ME3: variants seen among roughly 807,000 people sequenced by gnomAD.
ME3 encodes NADP-dependent malic enzyme, mitochondrial.
In ME3, 48 loss-of-function variants were observed where a neutral mutation model predicts 68.9. The observed-to-expected ratio is 0.70, with a 90% confidence interval of 0.55 to 0.89. The LOEUF (loss-of-function observed/expected upper bound fraction) is 0.89, where lower values mean the gene tolerates loss of function less well. Among genes scored for constraint, ME3 ranks in the 40% least tolerant of loss-of-function variants. The pLI is 0.00. For missense variants in ME3, 675 were observed against 797.4 expected (o/e 0.85, Z 1.85); for synonymous variants, 320 against 318.8 (o/e 1.00, Z -0.04).
In ME3 at chr11:86,593,258, A is replaced by C. The variant is rs557796942; in HGVS notation, c.184-33435T>G. Among the ~76,000 whole-genome samples the C allele has an allele frequency of 1.4e-5, 2 of 147,808 alleles. 1 individual carries two copies. The highest frequency in any genetic ancestry group is 4.7e-4 in the East Asian group (2 of 4,294). On this transcript the variant is annotated intron_variant, in intron 2 of 14. Transcript: ENST00000543262. ...ACATACCAGGCACCGTACAACACGA[A>C]ACTGTAGGCTCCCCCTCCAGGAAGT...
chr11:86,523,451 G>C (rs1402117049), intron 4 of ME3, among the ~76,000 whole-genome samples: 1 of 152,166 alleles, frequency 6.6e-6, no homozygotes, highest in Non-Finnish European at 1.5e-5. Context: ...AAGCCCTATA[G>C]AAGACAGGCT....
At chr11:86,481,535 A>G (rs1331427322) in intron 7 of ME3, among the ~76,000 whole-genome samples, 1 of 152,184 alleles carries the variant, frequency 6.6e-6, no homozygotes, top group African/African-American at 2.4e-5. Context: ...ATAGGTCAGT[A>G]TTAGCATATT....
chr11:86,537,952 C>A (rs1337800717), intron 4 of ME3, among the ~76,000 whole-genome samples: 1 of 152,212 alleles, frequency 6.6e-6, no homozygotes, highest in Non-Finnish European at 1.5e-5. Context: ...GTCTGAAGAA[C>A]CTGCCCAAGG....
intron 8 of ME3, among the ~76,000 whole-genome samples, chr11:86,458,919 C>T (rs1950089580): frequency 6.6e-6 from 1 of 152,208 alleles, no homozygotes; most frequent in Admixed American, 6.5e-5. Flanking sequence ...CTTCCCTCTC[C>T]AACAAGGTCA....
At chr11:86,621,043 A>C (rs1223999512) in intron 2 of ME3, among the ~76,000 whole-genome samples, 1 of 152,224 alleles carries the variant, frequency 6.6e-6, no homozygotes, top group Non-Finnish European at 1.5e-5. Flanking sequence ...TCCAAGGGAC[A>C]AATGATGTCG....
chr11:86,482,488 C>A (rs1341347924), intron 7 of ME3, among the ~76,000 whole-genome samples: 4 of 151,642 alleles, frequency 2.6e-5, no homozygotes, highest in Non-Finnish European at 5.9e-5. Flanking sequence ...TCATCCTACC[C>A]AGGCTAGATA....
chr11:86,471,213 A>G (rs1292101723), intron 7 of ME3, among the ~76,000 whole-genome samples: 2 of 134,484 alleles, frequency 1.5e-5, no homozygotes, highest in Non-Finnish European at 3.1e-5. Flanking sequence ...TGCAGTGGCA[A>G]CCTCCTCCAC....
intron 2 of ME3, among the ~76,000 whole-genome samples, chr11:86,568,108 C>G (rs1957588791): frequency 6.6e-6 from 1 of 152,112 alleles, no homozygotes; most frequent in African/African-American, 2.4e-5. Flanking sequence ...ACAAAACTCT[C>G]AATATAAGAC....
chr11:86,603,354 A>G (rs1961050585), intron 2 of ME3, among the ~76,000 whole-genome samples: 1 of 152,238 alleles, frequency 6.6e-6, no homozygotes, highest in Non-Finnish European at 1.5e-5. Context: ...AAAAATGCTC[A>G]TCATCACTAG....
chr11:86,650,734 T>A (rs1945349751), intron 2 of ME3, among the ~76,000 whole-genome samples: 1 of 152,184 alleles, frequency 6.6e-6, no homozygotes, highest in African/African-American at 2.4e-5. Flanking sequence ...CCAGGGATTG[T>A]CAGACAGTGG....
intron 13 of ME3, among the ~76,000 whole-genome samples, chr11:86,445,603 A>C (rs1390409531): frequency 1.3e-5 from 2 of 152,088 alleles, no homozygotes; most frequent in Non-Finnish European, 2.9e-5. Context: ...TGCTTTTGTC[A>C]GAGTGAGGAT....
chr11:86,584,910 T>G (rs1958643332), intron 2 of ME3, among the ~76,000 whole-genome samples: 1 of 152,170 alleles, frequency 6.6e-6, no homozygotes, highest in Admixed American at 6.5e-5. Flanking sequence ...ATTATACACT[T>G]AAAAATGTGT....
chr11:86,611,386 T>C (rs576091666), intron 2 of ME3, among the ~76,000 whole-genome samples: 1 of 152,214 alleles, frequency 6.6e-6, no homozygotes, highest in South Asian at 2.1e-4. Flanking sequence ...GTGACTATAG[T>C]TAATAAGAAT....
At chr11:86,562,126 A>G (rs1350118946) in intron 2 of ME3, among the ~76,000 whole-genome samples, 1 of 152,148 alleles carries the variant, frequency 6.6e-6, no homozygotes, top group Non-Finnish European at 1.5e-5. Context: ...TACTGACTCT[A>G]CATTTTCATC....
chr11:86,664,737 C>G (rs994858192), intron 2 of ME3, among the ~76,000 whole-genome samples: 35 of 152,182 alleles, frequency 2.3e-4, no homozygotes, highest in African/African-American at 8.4e-4. Context: ...TCTCCTAACT[C>G]TGGTCTATTC....
At chr11:86,659,053 G>A (rs1946106898) in intron 2 of ME3, among the ~76,000 whole-genome samples, 1 of 152,138 alleles carries the variant, frequency 6.6e-6, no homozygotes, top group African/African-American at 2.4e-5. Context: ...TGAAGGCTAA[G>A]CTTTCTGTCA....
intron 4 of ME3, among the ~76,000 whole-genome samples, chr11:86,547,525 T>C (rs1176877534): frequency 2.6e-5 from 4 of 152,004 alleles, no homozygotes; most frequent in African/African-American, 9.7e-5. Context: ...AGAAATACCT[T>C]ATGTAGATGA....
At chr11:86,509,808 A>G (rs1328553294) in intron 4 of ME3, among the ~76,000 whole-genome samples, 1 of 151,568 alleles carries the variant, frequency 6.6e-6, no homozygotes, top group Non-Finnish European at 1.5e-5. Context: ...CCAAGCAGAG[A>G]TTTAAGTTGT....
intron 2 of ME3, among the ~76,000 whole-genome samples, chr11:86,635,045 C>G (rs1944247473): frequency 6.6e-6 from 1 of 152,194 alleles, no homozygotes. Context: ...TGGTTCACAC[C>G]TGTAATCCCA....
Sources: gnomAD v4.1 joint callset for allele counts (sites outside exome capture counted in the v4.1 genomes callset) on GRCh38, gnomAD v4.1.1 for gene constraint, MANE v1.5 for transcripts, NCBI Gene and HGNC (gene_info 2026-07-23, HGNC 2026-07-21) for gene names.